SLC9A4: variants seen among roughly 807,000 people sequenced by gnomAD.
The protein encoded by SLC9A4 is solute carrier family 9 member A4, also known as sodium/hydrogen exchanger 4.
Under a neutral mutation model 67.4 loss-of-function variants are expected in SLC9A4, and 63 were observed. The ratio of observed to expected loss-of-function variants is 0.93; its 90% CI spans 0.76 to 1.15. The LOEUF is 1.15. Among genes scored for constraint, SLC9A4 ranks in the 50% most tolerant of loss-of-function variants. The pLI, the probability that SLC9A4 is intolerant of heterozygous loss-of-function variation, is 0.00. For missense variants in SLC9A4, 1,089 were observed against 987.7 expected (o/e 1.10, Z -1.38); for synonymous variants, 393 against 367.2 (o/e 1.07, Z -0.80).
intron 8 of SLC9A4, 93 bp downstream of exon 8, chr2:102,514,344 A>G (rs1685231231): frequency 1.3e-6 from 1 of 763,058 alleles, no homozygotes; most frequent in African/African-American, 1.8e-5. Flanking sequence ...ACGAGGAGTA[A>G]AGAGGCAGAA....
chr2:102,488,178 A>AC (rs1323391365), intron 2 of SLC9A4, among the ~76,000 whole-genome samples: 6 of 151,822 alleles, frequency 4.0e-5, no homozygotes, highest in Non-Finnish European at 7.4e-5. Flanking sequence ...CAGCTGTCCC[A>AC]CCCCCAACAA....
chr2:102,506,133 A>C (rs1685045979), intron 4 of SLC9A4, among the ~76,000 whole-genome samples: 1 of 152,234 alleles, frequency 6.6e-6, no homozygotes, highest in African/African-American at 2.4e-5. Context: ...AACTGGCATC[A>C]CACCTGTAAA....
chr2:102,497,855 C>T (rs1684843384), intron 2 of SLC9A4, among the ~76,000 whole-genome samples: 1 of 152,130 alleles, frequency 6.6e-6, no homozygotes, highest in Non-Finnish European at 1.5e-5. Flanking sequence ...AATGTCAGCA[C>T]ATTTGGAATT....
chr2:102,525,793 G>A (rs750085415), intron 10 of SLC9A4, among the ~76,000 whole-genome samples: 35 of 152,128 alleles, frequency 2.3e-4, no homozygotes, highest in Non-Finnish European at 3.7e-4. Flanking sequence ...ACATGTTGGA[G>A]ACTGGCGTGT....
At chr2:102,512,389 G>A in intron 7 of SLC9A4, 116 bp downstream of exon 7, 2 of 1,097,570 alleles carry the variant, frequency 1.8e-6, no homozygotes, top group Non-Finnish European at 2.7e-6. Context: ...GTGCTCCTGA[G>A]CCATCCCCTA....
chr2:102,487,178 GGTGTGTGT>G (rs55756786), intron 2 of SLC9A4, among the ~76,000 whole-genome samples: 16 of 149,092 alleles, frequency 1.1e-4, no homozygotes, highest in African/African-American at 4.0e-4. Flanking sequence ...GCTCACAGCT[GGTGTGTGT>G]GTGTGTGTGT....
intron 2 of SLC9A4, among the ~76,000 whole-genome samples, chr2:102,492,105 G>T (rs1274114993): frequency 6.6e-6 from 1 of 152,224 alleles, no homozygotes; most frequent in Non-Finnish European, 1.5e-5. Flanking sequence ...TGCCCCTGTG[G>T]CTTTGCAGGG....
intron 2 of SLC9A4, among the ~76,000 whole-genome samples, chr2:102,495,727 T>C (rs187191733): frequency 5.3e-5 from 8 of 152,242 alleles, no homozygotes; most frequent in Middle Eastern, 6.8e-3. Context: ...CATGGCCAAT[T>C]AATTTTTGGC....
chr2:102,479,404 G>A (rs367915110), intron 2 of SLC9A4, 102 bp downstream of exon 2: 63 of 1,249,698 alleles, frequency 5.0e-5, no homozygotes, highest in Non-Finnish European at 6.5e-5. Flanking sequence ...GCTCAGCGCA[G>A]CAGGACAGGG....
Position 102,531,657 on chromosome 2 carries a change from G to A in SLC9A4, c.2039-673G>A, listed in dbSNP as rs561180075. ...ATTCATAACTTTACTCACCCGAAAG[G>A]GCCGCTATGAGGATTCAATGGCATG... is the stretch of plus-strand genomic sequence containing the variant. On this transcript the variant is annotated intron_variant, in intron 11 of 11. Transcript: ENST00000295269. Among the ~76,000 whole-genome samples, 9 of 152,248 alleles carry A rather than the reference G, an allele frequency of 5.9e-5. No homozygotes were observed. The East Asian group carries it at 1.7e-3, about 29-fold the overall frequency.
chr2:102,513,638 G>A (rs1685213344), intron 7 of SLC9A4, among the ~76,000 whole-genome samples: 1 of 152,160 alleles, frequency 6.6e-6, no homozygotes. Context: ...TGTAACTACC[G>A]GGCCATTTAA....
At position 102,525,132 on chromosome 2, in the gene SLC9A4, C is replaced by T; in HGVS notation, c.1927C>T (p.His643Tyr). ...CTTAAGGGAGAGCATGAGGAAAGGT[C>T]ACAGCCTGCCCTGGGGAAAGCCGGT... ...NTLRESMRKG[H>Y]SLPWGKPAGT... The change falls in exon 10 of 12, where the codon CAC (histidine) becomes TAC (tyrosine). Residue 643 changes from histidine (H) to tyrosine (Y), a missense_variant. His to Tyr is a moderately conservative substitution (Grantham distance 83). Transcript: ENST00000295269. The T allele has an allele frequency of 6.2e-7, 1 of 1,613,998 alleles. No homozygotes were observed. Among genetic ancestry groups the T allele is most frequent in the Non-Finnish European group, 8.5e-7 (1 of 1,179,950 alleles).
Position 102,478,897 on chromosome 2 carries a change from G to A in SLC9A4, c.315G>A (p.Leu105=), listed in dbSNP as rs1319040647. The change falls in exon 2 of 12, where the codon CTG becomes CTA. Residue 105 remains leucine (L), a synonymous_variant. Transcript: ENST00000295269. ...GLMPESCLLI[L]VGALVGGIIF... ...TGCCAGAAAGCTGCCTCCTCATCCTGGTGGGGGCGCTGGTGGGCGGCATCA... is the reference window on the plus strand; with the variant it reads ...TGCCAGAAAGCTGCCTCCTCATCCTAGTGGGGGCGCTGGTGGGCGGCATCA... 6.2e-7 allele frequency: 1 copy of A among 1,614,054 alleles called. No individual in the cohort carries two copies. The highest frequency in any genetic ancestry group is 1.3e-5 in the African/African-American group (1 of 74,940).
At chr2:102,502,812 G>A (rs1318230445) in intron 2 of SLC9A4, among the ~76,000 whole-genome samples, 9 of 152,254 alleles carry the variant, frequency 5.9e-5, no homozygotes, top group South Asian at 2.1e-4. Flanking sequence ...CGGGGAGAAG[G>A]CTCTCAGAGC....
chr2:102,512,212 C>T lies in SLC9A4; in HGVS notation c.1498C>T (p.His500Tyr). 1.2e-6 allele frequency: 2 copies of T among 1,613,850 alleles called. No individual in the cohort carries two copies. Among genetic ancestry groups the T allele is most frequent in the Middle Eastern group, 1.6e-4 (1 of 6,062 alleles). The stretch of plus-strand genomic sequence containing the variant: ...TGTGTTTGTTTGGCAGCTGATGGAT[C>T]ACTTAAAGGCTGGAATCGAAGATGT... Reference protein sequence around the residue: ...NEELHIRLMDHLKAGIEDVCG... With the variant: ...NEELHIRLMDYLKAGIEDVCG... Residue 500 changes from histidine (H) to tyrosine (Y), a missense_variant, in exon 7 of 12, where the codon CAC (histidine) becomes TAC (tyrosine). Coordinates refer to ENST00000295269, the MANE Select transcript of SLC9A4 (RefSeq NM_001011552.4).
intron 3 of SLC9A4, among the ~76,000 whole-genome samples, chr2:102,503,992 T>C (rs1381329665): frequency 1.3e-5 from 2 of 152,196 alleles, no homozygotes. Flanking sequence ...AGAGAAAATC[T>C]GGGGAAACTT....
chr2:102,501,212 C>T (rs1383711250), intron 2 of SLC9A4, among the ~76,000 whole-genome samples: 10 of 152,016 alleles, frequency 6.6e-5, no homozygotes, highest in Admixed American at 5.9e-4. Flanking sequence ...ACCTCCACTT[C>T]CCGGGTTCGA....
At chr2:102,481,437 T>C (rs1684459564) in intron 2 of SLC9A4, among the ~76,000 whole-genome samples, 1 of 152,218 alleles carries the variant, frequency 6.6e-6, no homozygotes, top group Admixed American at 6.5e-5. Flanking sequence ...ATGCTGTACA[T>C]TGAAAGCTGA....
At chr2:102,490,557 A>T (rs1413276570) in intron 2 of SLC9A4, among the ~76,000 whole-genome samples, 1 of 152,192 alleles carries the variant, frequency 6.6e-6, no homozygotes, top group Non-Finnish European at 1.5e-5. Context: ...CTCTTGAAAG[A>T]TGCTGTCTCT....
Sources: allele counts gnomAD v4.1 joint callset (sites outside exome capture counted in the v4.1 genomes callset), GRCh38; gene constraint gnomAD v4.1.1; transcripts MANE v1.5; gene names NCBI Gene and HGNC (gene_info 2026-07-23, HGNC 2026-07-21).